The following OPCML variants were observed in gnomAD, a reference collection of about 807,000 sequenced individuals.
OPCML encodes the protein opioid binding protein/cell adhesion molecule like.
Under a neutral mutation model 37.8 loss-of-function variants are expected in OPCML, and 13 were observed. That is an observed-to-expected ratio of 0.34 (90% CI 0.22 to 0.55). The LOEUF (loss-of-function observed/expected upper bound fraction) is 0.55. OPCML is among the 20% of genes least tolerant of loss of function. OPCML has a pLI of 0.91. For synonymous variants in OPCML, 176 were observed against 168.8 expected (o/e 1.04, Z -0.33); for missense variants, 341 against 435.6 (o/e 0.78, Z 1.93).
At chr11:133,491,097 C>T (rs961096003) in intron 1 of OPCML, among the ~76,000 whole-genome samples, 2 of 152,168 alleles carry the variant, frequency 1.3e-5, no homozygotes, top group Admixed American at 6.5e-5. Flanking sequence ...GTGTGAAATT[C>T]TATGGGAAAG....
At chr11:133,002,775 G>T (rs988173646) in intron 1 of OPCML, among the ~76,000 whole-genome samples, 1 of 42,312 alleles carries the variant, frequency 2.4e-5, no homozygotes, top group Non-Finnish European at 3.7e-5. Flanking sequence ...ACAAAGGAAA[G>T]AGAGGGGGGG....
At chr11:133,007,074 C>T in intron 1 of OPCML, 1 of 985,322 alleles carries the variant, frequency 1.0e-6, no homozygotes, top group Non-Finnish European at 1.2e-6. Flanking sequence ...ACTTTGAGAC[C>T]AGATGTCAAA....
chr11:133,144,621 G>A (rs1054019979), intron 1 of OPCML, among the ~76,000 whole-genome samples: 4 of 152,294 alleles, frequency 2.6e-5, no homozygotes, highest in East Asian at 1.9e-4. Context: ...AGCATTTGTC[G>A]AGTGCATAAG....
chr11:132,461,039 A>G (rs1388248922), intron 4 of OPCML, among the ~76,000 whole-genome samples: 1 of 152,172 alleles, frequency 6.6e-6, no homozygotes, highest in Non-Finnish European at 1.5e-5. Context: ...AGTGAGGTTA[A>G]TGATGTACCT....
At position 132,943,985 on chromosome 11, in the gene OPCML, G is replaced by A. The variant is rs1195439776; in HGVS notation, c.62-975C>T. Among the ~76,000 whole-genome samples the A allele has an allele frequency of 1.3e-5, 2 of 151,948 alleles. No homozygotes were observed. The highest frequency in any genetic ancestry group is 2.1e-4 in the South Asian group (1 of 4,832). Reference sequence around the variant, plus strand: ...CTGACCGCCACTTTCTCCCGGTGCCGCCTCGGAGCGAGCGGGCTGGCGGGC... The same window carrying A: ...CTGACCGCCACTTTCTCCCGGTGCCACCTCGGAGCGAGCGGGCTGGCGGGC... On this transcript the variant is annotated intron_variant, in intron 1 of 7. Transcript: ENST00000524381. This position sits in a 1 kb window ranked among gnomAD's most constrained non-coding sequence, Gnocchi z 4.3.
chr11:133,318,396 A>G (rs1389692373), intron 1 of OPCML, among the ~76,000 whole-genome samples: 2 of 152,024 alleles, frequency 1.3e-5, no homozygotes, highest in African/African-American at 4.8e-5. Context: ...CATCCCCCAG[A>G]TGACGTTTGG....
chr11:133,410,601 T>C (rs1237024213), intron 1 of OPCML, among the ~76,000 whole-genome samples: 1 of 142,344 alleles, frequency 7.0e-6, no homozygotes, highest in Admixed American at 7.2e-5. Context: ...CTTTTTTTTT[T>C]CTTTGAGTGA....
At position 133,180,556 on chromosome 11, in the gene OPCML, C is replaced by T. The variant is rs150510577; in HGVS notation, c.62-237546G>A. ...CACATCCCCTCTGCTCCCTCCACAG[C>T]GTAGGCACCTTTCAACTTGAAGAAG... On this transcript the variant is annotated intron_variant, in intron 1 of 7. Coordinates refer to ENST00000524381, the MANE Select transcript of OPCML (RefSeq NM_001012393.5). 3.4e-3 allele frequency among the ~76,000 whole-genome samples: 513 copies of T among 152,198 alleles called. 2 individuals carry two copies. Among genetic ancestry groups the T allele is most frequent in the Middle Eastern group, 0.014 (4 of 294 alleles).
At chr11:132,970,995 C>A (rs1255357303) in intron 1 of OPCML, among the ~76,000 whole-genome samples, 1 of 152,156 alleles carries the variant, frequency 6.6e-6, no homozygotes, top group Non-Finnish European at 1.5e-5. Flanking sequence ...ACCATCATCT[C>A]CTTGGCTACA....
At chr11:133,515,096 A>G (rs1948237774) in intron 1 of OPCML, among the ~76,000 whole-genome samples, 1 of 152,236 alleles carries the variant, frequency 6.6e-6, no homozygotes, top group Non-Finnish European at 1.5e-5. Flanking sequence ...GACTTGATTC[A>G]CAGGTTCTGG....
At chr11:132,897,620 A>C (rs184006322) in intron 2 of OPCML, among the ~76,000 whole-genome samples, 1 of 152,328 alleles carries the variant, frequency 6.6e-6, no homozygotes, top group East Asian at 1.9e-4. Context: ...TATGATACAG[A>C]GGCACCAGCT....
At chr11:132,554,892 C>CT (rs1491544273) in intron 3 of OPCML, among the ~76,000 whole-genome samples, 4 of 7,558 alleles carry the variant, frequency 5.3e-4, no homozygotes, top group East Asian at 3.4e-3. Context: ...TTTTTTTTTT[C>CT]ATTAGCTCTA....
chr11:133,285,015 C>T (rs997814313), intron 1 of OPCML, among the ~76,000 whole-genome samples: 16 of 151,826 alleles, frequency 1.1e-4, no homozygotes, highest in Admixed American at 3.3e-4. Context: ...CTATATGTTA[C>T]GAGATACATA....
intron 2 of OPCML, among the ~76,000 whole-genome samples, chr11:132,729,406 C>CAT (rs1184669115): frequency 4.6e-5 from 7 of 152,100 alleles, no homozygotes; most frequent in Non-Finnish European, 1.0e-4. Flanking sequence ...CACACACACA[C>CAT]ACTCTTCCAA....
At chr11:133,139,043 A>G (rs758472504) in intron 1 of OPCML, among the ~76,000 whole-genome samples, 3 of 152,202 alleles carry the variant, frequency 2.0e-5, no homozygotes, top group Non-Finnish European at 4.4e-5. Context: ...TGTTGACTAT[A>G]TGGAGCTTAG....
chr11:133,343,435 A>C (rs1397115416), intron 1 of OPCML, among the ~76,000 whole-genome samples: 1 of 152,216 alleles, frequency 6.6e-6, no homozygotes, highest in Admixed American at 6.5e-5. Context: ...CTTATCAGGC[A>C]ACATGGCCTA....
At chr11:133,335,279 A>G (rs1244464496) in intron 1 of OPCML, among the ~76,000 whole-genome samples, 4 of 152,178 alleles carry the variant, frequency 2.6e-5, no homozygotes, top group Non-Finnish European at 4.4e-5. Context: ...GATTTCCCCA[A>G]AGTCATACAG....
At chr11:132,889,242 G>A (rs938252717) in intron 2 of OPCML, among the ~76,000 whole-genome samples, 5 of 152,180 alleles carry the variant, frequency 3.3e-5, no homozygotes, top group African/African-American at 1.2e-4. Flanking sequence ...GAATAATGGT[G>A]GCTCCTTCTG....
At chr11:132,698,249 A>T (rs1427344746) in intron 2 of OPCML, among the ~76,000 whole-genome samples, 1 of 152,106 alleles carries the variant, frequency 6.6e-6, no homozygotes, top group East Asian at 1.9e-4. Flanking sequence ...ATACCAATTC[A>T]AATTTCCACC....
Sources: gnomAD v4.1 joint callset for allele counts (sites outside exome capture counted in the v4.1 genomes callset) on GRCh38, gnomAD v4.1.1 for gene constraint, Gnocchi (gnomAD v3.1) non-coding constraint, MANE v1.5 for transcripts, NCBI Gene and HGNC (gene_info 2026-07-23, HGNC 2026-07-21) for gene names.